The following HS3ST4 variants were observed in gnomAD, a reference collection of about 807,000 sequenced individuals.
HS3ST4 encodes heparan sulfate glucosamine 3-O-sulfotransferase 4.
In HS3ST4, 17 loss-of-function variants were observed where a neutral mutation model predicts 29.2. The observed-to-expected ratio is 0.58, with a 90% CI of 0.40 to 0.87. The LOEUF is 0.87. Among genes scored for constraint, HS3ST4 ranks in the 40% least tolerant of loss-of-function variants. The pLI, the probability that HS3ST4 is intolerant of heterozygous loss-of-function variation, is 0.00. For synonymous variants in HS3ST4, 314 were observed against 285.7 expected, an observed-to-expected ratio of 1.10 and a Z score of -1.00; for missense variants, 627 against 634.5, an observed-to-expected ratio of 0.99 and a Z score of 0.13.
intron 1 of HS3ST4, among the ~76,000 whole-genome samples, chr16:26,064,825 CAG>C (rs1898524067): frequency 6.6e-6 from 1 of 152,038 alleles, no homozygotes; most frequent in Non-Finnish European, 1.5e-5. Context: ...CCATGTTGGT[CAG>C]GCTGGTCTCG....
rs910620308 is a variant in HS3ST4 at position 25,705,662 on chromosome 16, C to CA, written c.734+12520dup. Among the ~76,000 whole-genome samples the CA allele has an allele frequency of 1.8e-3, 259 of 147,260 alleles. 1 individual carries two copies. Among genetic ancestry groups the CA allele is most frequent in the African/African-American group, 4.6e-3 (183 of 39,980 alleles). On this transcript the variant is annotated intron_variant, in intron 1 of 1. Coordinates refer to ENST00000331351, the MANE Select transcript of HS3ST4 (RefSeq NM_006040.3). ...CTGGTGATGAAGCCAGTTTCCATCCCAAAAAAAAATAAAAATAAAAATAAT... is the reference window on the plus strand; with the variant it reads ...CTGGTGATGAAGCCAGTTTCCATCCCAAAAAAAAAATAAAAATAAAAATAAT...
chr16:25,824,527 A>G (rs1967197172), intron 1 of HS3ST4, among the ~76,000 whole-genome samples: 1 of 152,188 alleles, frequency 6.6e-6, no homozygotes, highest in African/African-American at 2.4e-5. Context: ...CTCCTCTTAT[A>G]AAATCATCAG....
At chr16:26,024,138 C>T (rs1567295958) in intron 1 of HS3ST4, among the ~76,000 whole-genome samples, 2 of 151,308 alleles carry the variant, frequency 1.3e-5, no homozygotes, top group South Asian at 4.2e-4. Flanking sequence ...GCAGGAGAAT[C>T]GCTTGAACCC....
At chr16:26,093,932 G>A (rs929603663) in intron 1 of HS3ST4, among the ~76,000 whole-genome samples, 2 of 152,164 alleles carry the variant, frequency 1.3e-5, no homozygotes, top group African/African-American at 4.8e-5. Flanking sequence ...ACCTGATGGA[G>A]CTGAAAACCA....
intron 1 of HS3ST4, among the ~76,000 whole-genome samples, chr16:25,841,961 C>T (rs772918674): frequency 1.6e-4 from 24 of 152,220 alleles, no homozygotes; most frequent in Non-Finnish European, 2.6e-4. Flanking sequence ...AGTTGTTCTG[C>T]AGATGGCTTT....
At chr16:26,030,078 CA>C (rs1163597807) in intron 1 of HS3ST4, among the ~76,000 whole-genome samples, 1 of 152,226 alleles carries the variant, frequency 6.6e-6, no homozygotes, top group East Asian at 1.9e-4. Flanking sequence ...TTTGGAGGTC[CA>C]GGCTTCCTCC....
intron 1 of HS3ST4, among the ~76,000 whole-genome samples, chr16:26,070,724 G>A (rs915734008): frequency 1.3e-5 from 2 of 152,178 alleles, no homozygotes; most frequent in African/African-American, 4.8e-5. Flanking sequence ...TGTATATCCA[G>A]TTGCTATAGC....
chr16:25,871,345 A>G (rs1377490734), intron 1 of HS3ST4, among the ~76,000 whole-genome samples: 1 of 152,202 alleles, frequency 6.6e-6, no homozygotes, highest in East Asian at 1.9e-4. Flanking sequence ...TTCTAGGTGC[A>G]GCAGATCTGA....
At chr16:25,816,685 A>T (rs1036551366) in intron 1 of HS3ST4, among the ~76,000 whole-genome samples, 3 of 152,148 alleles carry the variant, frequency 2.0e-5, no homozygotes, top group Non-Finnish European at 4.4e-5. Context: ...GTAATTTATA[A>T]ATAAAAGGAA....
chr16:25,701,988 C>T (rs1596547715), intron 1 of HS3ST4, among the ~76,000 whole-genome samples: 1 of 152,190 alleles, frequency 6.6e-6, no homozygotes, highest in African/African-American at 2.4e-5. Flanking sequence ...ATTTTCAGAA[C>T]AACCTGCTAT....
chr16:25,756,169 C>A (rs1010105038), intron 1 of HS3ST4, among the ~76,000 whole-genome samples: 4 of 148,098 alleles, frequency 2.7e-5, no homozygotes, highest in African/African-American at 9.9e-5. Flanking sequence ...CACACACACA[C>A]ACACACACCC....
intron 1 of HS3ST4, among the ~76,000 whole-genome samples, chr16:25,785,045 G>A (rs1366632614): frequency 6.6e-6 from 1 of 152,178 alleles, no homozygotes; most frequent in Non-Finnish European, 1.5e-5. Flanking sequence ...TACTCTGCCT[G>A]TGCTCTAGAA....
intron 1 of HS3ST4, among the ~76,000 whole-genome samples, chr16:25,948,995 C>T (rs1340583124): frequency 6.6e-6 from 1 of 152,016 alleles, no homozygotes; most frequent in Non-Finnish European, 1.5e-5. Context: ...TTTATGACTC[C>T]CTCAGATGCA....
At chr16:25,713,017 T>G (rs1966427606) in intron 1 of HS3ST4, among the ~76,000 whole-genome samples, 1 of 152,162 alleles carries the variant, frequency 6.6e-6, no homozygotes, top group African/African-American at 2.4e-5. Flanking sequence ...CTATCATATT[T>G]CACCCATTTG....
chr16:25,816,497 G>A (rs1335735337), intron 1 of HS3ST4, among the ~76,000 whole-genome samples: 1 of 152,196 alleles, frequency 6.6e-6, no homozygotes, highest in Admixed American at 6.5e-5. Context: ...CAAAGGTAGA[G>A]GTGGTGGCAG....
At chr16:25,726,681 C>T (rs896947041) in intron 1 of HS3ST4, among the ~76,000 whole-genome samples, 5 of 152,246 alleles carry the variant, frequency 3.3e-5, no homozygotes, top group Admixed American at 6.5e-5. Flanking sequence ...TTTGAGTTGA[C>T]TTAGAATCTC....
chr16:26,077,756 G>A (rs1433689961), intron 1 of HS3ST4, among the ~76,000 whole-genome samples: 1 of 152,198 alleles, frequency 6.6e-6, no homozygotes, highest in Non-Finnish European at 1.5e-5. Flanking sequence ...TTTATCTTAA[G>A]CATTTTCAAT....
intron 1 of HS3ST4, among the ~76,000 whole-genome samples, chr16:26,117,007 C>A (rs1899210117): frequency 6.6e-6 from 1 of 152,358 alleles, no homozygotes; most frequent in South Asian, 2.1e-4. Flanking sequence ...TCAACTTTAA[C>A]AGGCTATCCT....
chr16:25,717,653 TGGGA>T (rs944513474), intron 1 of HS3ST4, among the ~76,000 whole-genome samples: 3 of 151,936 alleles, frequency 2.0e-5, no homozygotes, highest in Non-Finnish European at 4.4e-5. Context: ...GCTGGAGCTC[TGGGA>T]GACACGGAGA....
Sources: gnomAD v4.1 joint callset for allele counts (sites outside exome capture counted in the v4.1 genomes callset) on GRCh38, gnomAD v4.1.1 for gene constraint, MANE v1.5 for transcripts, NCBI Gene and HGNC (gene_info 2026-07-23, HGNC 2026-07-21) for gene names.